PDE4D: variants seen among roughly 807,000 people sequenced by gnomAD.
PDE4D encodes phosphodiesterase 4D.
In PDE4D, 24 loss-of-function variants were observed where a neutral mutation model predicts 87.4. The observed-to-expected ratio is 0.27, with a 90% CI of 0.20 to 0.39. PDE4D has a LOEUF of 0.39. Among genes scored for constraint, PDE4D ranks in the 10% least tolerant of loss-of-function variants. The probability of loss-of-function intolerance (pLI) is 1.00; values close to 1 mark genes in which losing one functional copy is unlikely to be tolerated. For synonymous variants in PDE4D, 384 were observed against 383.2 expected, an observed-to-expected ratio of 1.00 and a Z score of -0.02; for missense variants, 714 against 1,041.0, an observed-to-expected ratio of 0.69 and a Z score of 4.32.
intron 1 of PDE4D, among the ~76,000 whole-genome samples, chr5:60,369,776 C>G (rs1480570859): frequency 6.6e-6 from 1 of 152,046 alleles, no homozygotes; most frequent in Non-Finnish European, 1.5e-5. Context: ...CCATATAAGA[C>G]TAAGTGTGGG....
At chr5:59,224,542 G>T (rs909588075) in intron 1 of PDE4D, among the ~76,000 whole-genome samples, 2 of 152,124 alleles carry the variant, frequency 1.3e-5, no homozygotes, top group African/African-American at 2.4e-5. Flanking sequence ...TTGACACAAT[G>T]ATATGATAAA....
At chr5:59,381,490 T>G (rs1273946192) in intron 1 of PDE4D, among the ~76,000 whole-genome samples, 1 of 130,246 alleles carries the variant, frequency 7.7e-6, no homozygotes. Flanking sequence ...ACATATATCT[T>G]TTTTTGAATA....
At chr5:59,310,996 T>C (rs1475825175) in intron 1 of PDE4D, among the ~76,000 whole-genome samples, 1 of 152,166 alleles carries the variant, frequency 6.6e-6, no homozygotes, top group Admixed American at 6.5e-5. Flanking sequence ...AACCATTTCA[T>C]TGCTGGAATG....
At chr5:59,203,628 C>CAT (rs1230123948) in intron 2 of PDE4D, among the ~76,000 whole-genome samples, 1 of 152,026 alleles carries the variant, frequency 6.6e-6, no homozygotes, top group African/African-American at 2.4e-5. Context: ...GTTATATACA[C>CAT]ACACACACAC....
At chr5:59,326,660 C>T (rs568245273) in intron 1 of PDE4D, among the ~76,000 whole-genome samples, 159 of 152,228 alleles carry the variant, frequency 1.0e-3, no homozygotes, top group South Asian at 3.3e-3. Flanking sequence ...AAGCATTCAA[C>T]AGCTCTCCTC....
intron 1 of PDE4D, among the ~76,000 whole-genome samples, chr5:59,331,312 G>C (rs1333140893): frequency 6.6e-6 from 1 of 152,112 alleles, no homozygotes; most frequent in African/African-American, 2.4e-5. Context: ...AGTGGGGTTG[G>C]TTTCTTCGGG....
At chr5:59,872,913 T>A (rs535367687) in intron 1 of PDE4D, among the ~76,000 whole-genome samples, 1 of 152,112 alleles carries the variant, frequency 6.6e-6, no homozygotes, top group Non-Finnish European at 1.5e-5. Flanking sequence ...ATATGCCACC[T>A]CTATTTTCAC....
intron 1 of PDE4D, among the ~76,000 whole-genome samples, chr5:59,636,441 G>GA (rs1224794527): frequency 6.6e-6 from 1 of 151,454 alleles, no homozygotes; most frequent in East Asian, 1.9e-4. Flanking sequence ...CTAAGCAAAA[G>GA]AAAAAACAAA....
intron 5 of PDE4D, among the ~76,000 whole-genome samples, chr5:59,153,071 G>A (rs1486192244): frequency 6.6e-6 from 1 of 151,956 alleles, no homozygotes; most frequent in East Asian, 1.9e-4. Flanking sequence ...AAAATGGAAG[G>A]AGCAAAAACA....
chr5:59,893,734 C>T (rs1344024216), upstream of PDE4D: 20 of 1,374,700 alleles, frequency 1.5e-5, no homozygotes, highest in Non-Finnish European at 1.2e-5. Flanking sequence ...TGCAGCCCAG[C>T]AGAGGCTGGT....
chr5:60,178,022 C>G (rs1784078058), intron 2 of PDE4D, among the ~76,000 whole-genome samples: 1 of 152,024 alleles, frequency 6.6e-6, no homozygotes, highest in Admixed American at 6.6e-5. Context: ...AGATTATAAA[C>G]TAAAATGTTT....
intron 1 of PDE4D, chr5:60,460,526 T>G: frequency 6.8e-7 from 1 of 1,464,574 alleles, no homozygotes; most frequent in African/African-American, 1.4e-5. Flanking sequence ...TTGTCATATT[T>G]CTGTTCTACT....
At position 58,976,398 on chromosome 5, in the gene PDE4D, C is replaced by T. The variant is rs376924138; in HGVS notation, c.1782G>A (p.Val594=). The T allele has an allele frequency of 3.7e-6, 6 of 1,608,424 alleles. No homozygotes were observed. Among genetic ancestry groups the T allele is most frequent in the East Asian group, 4.5e-5 (2 of 44,668 alleles). ...DLKTMVETKK[V]TSSGVLLLDN... is the part of the protein sequence containing the mutation. ...CAAGAAGAAGAACTCCAGAGCTTGT[C>T]ACTTTCTTAGTTTCAACCATAGTCT... is the stretch of plus-strand genomic sequence containing the variant. Residue 594 remains valine (V), a synonymous_variant, in exon 13 of 15, where the codon GTG becomes GTA. Transcript: ENST00000340635.
chr5:59,025,092 T>G (rs1381923353), intron 6 of PDE4D, among the ~76,000 whole-genome samples: 1 of 152,164 alleles, frequency 6.6e-6, no homozygotes, highest in Non-Finnish European at 1.5e-5. Flanking sequence ...TATAGCTTTG[T>G]TCAATCTTTA....
At chr5:59,148,058 T>G (rs532880936) in intron 5 of PDE4D, among the ~76,000 whole-genome samples, 56 of 152,310 alleles carry the variant, frequency 3.7e-4, no homozygotes, top group Non-Finnish European at 7.2e-4. Flanking sequence ...CCTCTTTTTC[T>G]TAATAGAGAA....
At position 59,668,742 on chromosome 5, in the gene PDE4D, G is replaced by GA. The variant is rs1256311648; in HGVS notation, c.455+224425dup. ...AAAAAAGAAGAAGAAGAAGAAAGAA[G>GA]AAGAAGAAGAAGAAAGAAGAAAGAA... is the stretch of plus-strand genomic sequence containing the variant. On this transcript the variant is annotated intron_variant, in intron 1 of 14. Coordinates refer to ENST00000340635, the MANE Select transcript of PDE4D (RefSeq NM_001104631.2). 8.0e-3 allele frequency among the ~76,000 whole-genome samples: 1,017 copies of GA among 127,280 alleles called. 46 individuals are homozygous for GA. Among genetic ancestry groups the GA allele is most frequent in the Non-Finnish European group, 9.5e-3 (560 of 58,650 alleles). 83.5% of individuals were successfully genotyped at this position (127,280 alleles called of 152,430 possible).
intron 1 of PDE4D, among the ~76,000 whole-genome samples, chr5:60,367,228 C>T (rs1374901376): frequency 6.6e-6 from 1 of 152,048 alleles, no homozygotes; most frequent in South Asian, 2.1e-4. Context: ...GTGGGCAGAT[C>T]ACCTGGAGTC....
At chr5:59,654,824 T>G (rs1744095521) in intron 1 of PDE4D, among the ~76,000 whole-genome samples, 1 of 152,184 alleles carries the variant, frequency 6.6e-6, no homozygotes, top group African/African-American at 2.4e-5. Context: ...CATGAAATTA[T>G]GTCATTCCGG....
At chr5:59,426,625 T>G (rs73758635) in intron 1 of PDE4D, among the ~76,000 whole-genome samples, 1 of 151,972 alleles carries the variant, frequency 6.6e-6, no homozygotes. Context: ...ACAGTAATGG[T>G]GTCAAGCCAC....
Sources: allele counts gnomAD v4.1 joint callset (sites outside exome capture counted in the v4.1 genomes callset), GRCh38; gene constraint gnomAD v4.1.1; transcripts MANE v1.5; gene names NCBI Gene and HGNC (gene_info 2026-07-23, HGNC 2026-07-21).